The following SERPINB5 variants were observed in gnomAD, a reference collection of about 807,000 sequenced individuals.
SERPINB5 encodes the protein serpin B5.
A neutral mutation model predicts 32.2 loss-of-function variants in SERPINB5; 27 were observed. That is an observed-to-expected ratio of 0.84 (90% confidence interval 0.62 to 1.16). SERPINB5 has a LOEUF of 1.16. SERPINB5 is among the 50% of genes most tolerant of loss of function. SERPINB5 has a pLI of 0.00. For missense variants in SERPINB5, 388 were observed against 436.3 expected (o/e 0.89, Z 0.99); for synonymous variants, 154 against 157.4 (o/e 0.98, Z 0.16).
rs1472402692 is a variant in SERPINB5 at position 63,504,004 on chromosome 18, C to T, written c.*282C>T. 5.4e-6 allele frequency: 2 copies of T among 369,194 alleles called. No individual in the cohort carries two copies. Among genetic ancestry groups the T allele is most frequent in the East Asian group, 6.0e-5 (1 of 16,554 alleles). 22.9% of individuals were successfully genotyped at this position (369,194 alleles called of 1,614,324 possible). ...ATTTATTCATTATTTGTCAAATTGT[C>T]CGGGGTAGTTGGCAGAAATACAGTC... is the stretch of plus-strand genomic sequence containing the variant. On this transcript the variant is annotated 3_prime_UTR_variant, in exon 7 of 7. Coordinates refer to ENST00000382771, the MANE Select transcript of SERPINB5 (RefSeq NM_002639.5).
chr18:63,478,913 C>T (rs528033827), intron 1 of SERPINB5, among the ~76,000 whole-genome samples: 4 of 152,044 alleles, frequency 2.6e-5, no homozygotes, highest in Non-Finnish European at 5.9e-5. Flanking sequence ...GCACGTGCCA[C>T]CACGCCCGGC....
At chr18:63,491,827 C>T (rs968279987) in intron 4 of SERPINB5, among the ~76,000 whole-genome samples, 4 of 152,128 alleles carry the variant, frequency 2.6e-5, no homozygotes, top group African/African-American at 9.7e-5. Context: ...AGTTGAAGCT[C>T]TGTCGTTTAC....
At chr18:63,481,040 C>T (rs777549074) in intron 1 of SERPINB5, among the ~76,000 whole-genome samples, 22 of 152,178 alleles carry the variant, frequency 1.4e-4, no homozygotes, top group African/African-American at 4.6e-4. Context: ...AGGGAAGGTC[C>T]GCCAATGGTG....
At chr18:63,502,236 T>C (rs1909585160) in intron 6 of SERPINB5, among the ~76,000 whole-genome samples, 1 of 151,552 alleles carries the variant, frequency 6.6e-6, no homozygotes, top group Middle Eastern at 3.2e-3. Context: ...CCTGGGTTCA[T>C]GCCATTCTCC....
chr18:63,481,411 A>G (rs1433328206), intron 1 of SERPINB5, among the ~76,000 whole-genome samples: 1 of 152,238 alleles, frequency 6.6e-6, no homozygotes, highest in Non-Finnish European at 1.5e-5. Flanking sequence ...TTTGTTATTG[A>G]CTATGCAAAA....
At position 63,483,587 on chromosome 18, in the gene SERPINB5, G is replaced by A. The variant is rs143852181; in HGVS notation, c.-7-835G>A. On this transcript the variant is annotated intron_variant, in intron 1 of 6. Transcript: ENST00000382771. ...TCGGCAGGGTCATGCTGTCTCAAAA[G>A]GCTCCAGGGGAGAATGTTCCATGAC... Among the ~76,000 whole-genome samples the A allele has an allele frequency of 2.7e-3, 413 of 152,348 alleles. 3 individuals are homozygous for A. The highest frequency in any genetic ancestry group is 0.019 in the East Asian group (99 of 5,192).
rs1326125136 is a variant in SERPINB5, at chr18:63,498,925, G to A, written c.568-195G>A. On this transcript the variant is annotated intron_variant, in intron 5 of 6. Transcript: ENST00000382771. The surrounding 1 kb of genome is among the most constrained non-coding windows in gnomAD (Gnocchi z 4.2). Reference sequence around the variant, plus strand: ...TATGTATGCATATATATGTATATGTGTATATATAGGTGTATGTATATATGT... The same window carrying A: ...TATGTATGCATATATATGTATATGTATATATATAGGTGTATGTATATATGT... Among the ~76,000 whole-genome samples, 2 of 150,414 alleles carry A rather than the reference G, an allele frequency of 1.3e-5. No homozygotes were observed. Among genetic ancestry groups the A allele is most frequent in the Non-Finnish European group, 3.0e-5 (2 of 67,710 alleles).
rs78320228 is a variant in SERPINB5, at chr18:63,487,758, T to C, written c.306+675T>C. On this transcript the variant is annotated intron_variant, in intron 3 of 6. Coordinates refer to ENST00000382771, the MANE Select transcript of SERPINB5 (RefSeq NM_002639.5). ...CACACAGACAATATTCTAGACTACA[T>C]GAAGTTTCCCTCTGTACTTCAGTAA... 3.3e-3 allele frequency among the ~76,000 whole-genome samples: 499 copies of C among 152,304 alleles called. 3 individuals carry two copies. The highest frequency in any genetic ancestry group is 0.012 in the African/African-American group (480 of 41,556).
chr18:63,500,124 G>C (rs1037935387), intron 6 of SERPINB5, among the ~76,000 whole-genome samples: 3 of 151,928 alleles, frequency 2.0e-5, no homozygotes, highest in African/African-American at 7.3e-5. Flanking sequence ...CTGGAGTGCA[G>C]TGGCATGATG....
intron 1 of SERPINB5, among the ~76,000 whole-genome samples, chr18:63,483,582 C>A (rs959334279): frequency 6.6e-5 from 10 of 152,238 alleles, no homozygotes; most frequent in Non-Finnish European, 1.3e-4. Flanking sequence ...CATGCTGTCT[C>A]AAAAGGCTCC....
intron 2 of SERPINB5, among the ~76,000 whole-genome samples, chr18:63,485,318 T>G (rs2000712): frequency 0.48 from 72,303 of 151,996 alleles, 19,480 homozygotes; most frequent in Non-Finnish European, 0.62. Flanking sequence ...TAAGTCCTCA[T>G]GTACTTTTAC....
intron 5 of SERPINB5, chr18:63,497,409 G>A: frequency 3.6e-6 from 4 of 1,098,310 alleles, no homozygotes; most frequent in South Asian, 2.4e-5. Flanking sequence ...GAAGCTCTGT[G>A]GGGGTCACCT....
At chr18:63,489,718 C>A (rs976606600) in intron 4 of SERPINB5, among the ~76,000 whole-genome samples, 1 of 152,160 alleles carries the variant, frequency 6.6e-6, no homozygotes, top group Admixed American at 6.5e-5. Flanking sequence ...GACGAGCTGT[C>A]ACAGGCCCTA....
chr18:63,491,431 A>G (rs1332820392), intron 4 of SERPINB5, among the ~76,000 whole-genome samples: 1 of 147,712 alleles, frequency 6.8e-6, no homozygotes, highest in African/African-American at 2.5e-5. Flanking sequence ...AAAAAAAAGA[A>G]TAATGGTCTT....
intron 5 of SERPINB5, chr18:63,497,364 T>A (rs948626419): frequency 1.5e-6 from 2 of 1,301,248 alleles, no homozygotes; most frequent in Non-Finnish European, 2.2e-6. Context: ...GGCTCTTCTG[T>A]TTGATGGTCG....
In SERPINB5 at chr18:63,504,679, A is replaced by T. The variant is rs924100496; in HGVS notation, c.*957A>T. On this transcript the variant is annotated 3_prime_UTR_variant, in exon 7 of 7. Transcript: ENST00000382771. ...GGGCTTCTAGCTGACTTGCACAGGG[A>T]TTCTCACAATAGCCGATATCAGAAT... 1 of 152,210 alleles carries T rather than the reference A, an allele frequency of 6.6e-6. No individual in the cohort carries two copies. Among genetic ancestry groups the T allele is most frequent in the East Asian group, 1.9e-4 (1 of 5,198 alleles). The allele number at this position is 152,210 out of a possible 1,614,324, so 9.4% of individuals were successfully genotyped here. A position where few individuals can be genotyped will look rare whatever the true frequency, so the allele number is the denominator to read the frequency against.
At chr18:63,494,321 C>CAAAA (rs372412366) in intron 5 of SERPINB5, among the ~76,000 whole-genome samples, 40 of 46,576 alleles carry the variant, frequency 8.6e-4, no homozygotes, top group East Asian at 1.8e-3. Flanking sequence ...GACTCCATCT[C>CAAAA]AAAAAAAAAA....
rs1487020982 is a variant in SERPINB5, at chr18:63,503,580, A to G, written c.986A>G (p.Asp329Gly). ...AAAGTGTGCTTAGAAATAACTGAAG[A>G]TGGTGGGGATTCCATAGAGGTGCCA... ...IHKVCLEITEDGGDSIEVPGA... is the reference protein window; with the variant it reads ...IHKVCLEITEGGGDSIEVPGA... The change falls in exon 7 of 7, where the codon GAT becomes GGT. Residue 329 changes from aspartate (D) to glycine (G), a missense_variant. Transcript: ENST00000382771. 2 of 1,614,250 alleles carry G rather than the reference A, an allele frequency of 1.2e-6. No individual in the cohort carries two copies. The highest frequency in any genetic ancestry group is 1.7e-6 in the Non-Finnish European group (2 of 1,180,032).
intron 4 of SERPINB5, 103 bp from the exon 5 acceptor site, chr18:63,492,850 G>C: frequency 7.1e-7 from 1 of 1,412,750 alleles, no homozygotes; most frequent in Non-Finnish European, 9.7e-7. Context: ...CTTACATGGT[G>C]TGACTCCATG....
Sources: gnomAD v4.1 joint callset for allele counts (sites outside exome capture counted in the v4.1 genomes callset) on GRCh38, gnomAD v4.1.1 for gene constraint, Gnocchi (gnomAD v3.1) non-coding constraint, MANE v1.5 for transcripts, NCBI Gene and HGNC (gene_info 2026-07-23, HGNC 2026-07-21) for gene names.